MYO7A: variants seen among roughly 807,000 people sequenced by gnomAD.
MYO7A encodes the protein myosin VIIA, also known as unconventional myosin-VIIa.
In MYO7A, 210 loss-of-function variants were observed where a neutral mutation model predicts 263.8. That is an observed-to-expected ratio of 0.80 (90% CI 0.71 to 0.89). MYO7A has a LOEUF of 0.89. Ranked by LOEUF, MYO7A falls within the 40% of genes least tolerant of loss-of-function variation. The pLI is 0.00. For synonymous variants in MYO7A, 1,239 were observed against 1,197.3 expected (o/e 1.03, Z -0.72); for missense variants, 2,820 against 2,968.3 (o/e 0.95, Z 1.16).
At chr11:77,161,755 A>G (rs1271238185) in intron 12 of MYO7A, among the ~76,000 whole-genome samples, 2 of 152,130 alleles carry the variant, frequency 1.3e-5, no homozygotes, top group Admixed American at 6.5e-5. Flanking sequence ...ATGTCCCTGT[A>G]TGGCCCACCA....
intron 4 of MYO7A, among the ~76,000 whole-genome samples, chr11:77,150,479 C>T (rs1555056593): frequency 1.3e-5 from 2 of 152,170 alleles, no homozygotes; most frequent in African/African-American, 4.8e-5. Flanking sequence ...ATTACATCCT[C>T]CAGGAGGGTT....
chr11:77,192,931 GTTT>G (rs747125747), intron 31 of MYO7A, among the ~76,000 whole-genome samples: 301 of 25,100 alleles, frequency 0.012, 15 homozygotes, highest in South Asian at 0.043. Flanking sequence ...TGATGGTGTT[GTTT>G]GTGATGGTGG....
intron 42 of MYO7A, among the ~76,000 whole-genome samples, chr11:77,208,161 G>A (rs369803134): frequency 8.5e-5 from 13 of 152,298 alleles, no homozygotes; most frequent in East Asian, 5.8e-4. Flanking sequence ...GGGCTGGGCC[G>A]CATTCTTGGC....
chr11:77,202,368 G>C lies in MYO7A; in HGVS notation c.5112G>C (p.Glu1704Asp). ...VVRLLQLRTA[E>D]PEVRAKPYTL... Reference sequence around the variant, plus strand: ...GGCTCTTGCAGCTGCGAACGGCGGAGCCCGAGGTGCGTGCCAAGCCCTACA... The same window carrying C: ...GGCTCTTGCAGCTGCGAACGGCGGACCCCGAGGTGCGTGCCAAGCCCTACA... Residue 1704 changes from glutamate (E) to aspartate (D), a missense_variant, in exon 37 of 49, where the codon GAG (glutamate) becomes GAC (aspartate). Coordinates refer to ENST00000409709, the MANE Select transcript of MYO7A (RefSeq NM_000260.4). 2 of 1,562,292 alleles carry C rather than the reference G, an allele frequency of 1.3e-6. No homozygotes were observed. Among genetic ancestry groups the C allele is most frequent in the Non-Finnish European group, 1.7e-6 (2 of 1,152,750 alleles).
In MYO7A at chr11:77,208,780, G is replaced by C; in HGVS notation, c.6028G>C (p.Asp2010His). The change falls in exon 44 of 49, where the codon GAT becomes CAT. Residue 2010 changes from aspartate to histidine, a missense_variant. By Grantham distance (81) the Asp-to-His change is moderately conservative. Transcript: ENST00000409709. Reference protein sequence around the residue: ...TTVPGKDPMADSIFHYYQELP... With the variant: ...TTVPGKDPMAHSIFHYYQELP... ...GGTGCCAGGGAAGGATCCCATGGCC[G>C]ATTCCATCTTCCACTATTACCAGGT... 1 of 1,570,554 alleles carries C rather than the reference G, an allele frequency of 6.4e-7. No individual in the cohort carries two copies. Among genetic ancestry groups the C allele is most frequent in the Non-Finnish European group, 8.6e-7 (1 of 1,157,344 alleles).
intron 47 of MYO7A, among the ~76,000 whole-genome samples, chr11:77,213,397 A>T (rs1017520533): frequency 1.3e-5 from 2 of 152,196 alleles, no homozygotes; most frequent in African/African-American, 4.8e-5. Context: ...AGAGGGTCCG[A>T]CTGGACAGGT....
intron 15 of MYO7A, among the ~76,000 whole-genome samples, chr11:77,172,235 C>T (rs1427964400): frequency 6.6e-6 from 1 of 152,248 alleles, no homozygotes; most frequent in Non-Finnish European, 1.5e-5. Context: ...GGCATCACCT[C>T]CACTTAGGAA....
chr11:77,128,773 G>A (rs1555045266), intron 1 of MYO7A, among the ~76,000 whole-genome samples: 1 of 152,146 alleles, frequency 6.6e-6, no homozygotes, highest in Non-Finnish European at 1.5e-5. Flanking sequence ...GGGGCCAGGG[G>A]AATAGACATG....
intron 27 of MYO7A, among the ~76,000 whole-genome samples, chr11:77,188,611 A>G (rs1420138030): frequency 6.6e-6 from 1 of 150,806 alleles, no homozygotes; most frequent in African/African-American, 2.5e-5. Context: ...AGTTTGCAGA[A>G]GAGAAGAACA....
intron 36 of MYO7A, among the ~76,000 whole-genome samples, chr11:77,201,984 C>T (rs780242333): frequency 6.6e-6 from 1 of 152,144 alleles, no homozygotes; most frequent in African/African-American, 2.4e-5. Flanking sequence ...ACTCACAGCC[C>T]AGCTTCCCTA....
chr11:77,184,037 TCTCA>T (rs1328150514), intron 26 of MYO7A, among the ~76,000 whole-genome samples: 1 of 152,162 alleles, frequency 6.6e-6, no homozygotes, highest in African/African-American at 2.4e-5. Flanking sequence ...GCCGCTCGCC[TCTCA>T]CTCACCCTAC....
At chr11:77,128,798 A>G (rs1242162314) in intron 1 of MYO7A, among the ~76,000 whole-genome samples, 2 of 152,246 alleles carry the variant, frequency 1.3e-5, no homozygotes, top group East Asian at 1.9e-4. Flanking sequence ...GGTGGCAGAG[A>G]GAAGAGTCCG....
At chr11:77,213,394 C>T (rs1438414876) in intron 47 of MYO7A, among the ~76,000 whole-genome samples, 4 of 152,244 alleles carry the variant, frequency 2.6e-5, no homozygotes, top group Non-Finnish European at 5.9e-5. Context: ...CCCAGAGGGT[C>T]CGACTGGACA....
Position 77,181,953 on chromosome 11 carries a change from C to T in MYO7A, c.2907C>T (p.Asp969=), listed in dbSNP as rs1430512156. The change falls in exon 24 of 49, where the codon GAC becomes GAT. Residue 969 remains aspartate, a splice_region_variant and synonymous_variant. Transcript: ENST00000409709. ...QEGQAPSGFE[D]LERGRREMVE... ...GGCATACCTCTTGTCTCCTTCAGGA[C>T]CTGGAGCGAGGGCGGAGGGAGATGG... The T allele has an allele frequency of 2.5e-6, 4 of 1,612,868 alleles. No individual in the cohort carries two copies. The African/African-American group carries it at 4.0e-5, about 16-fold the overall frequency.
intron 29 of MYO7A, 87 bp from the exon 30 acceptor site, chr11:77,190,610 C>A (rs1441695286): frequency 6.9e-7 from 1 of 1,455,008 alleles, no homozygotes; most frequent in African/African-American, 1.4e-5. Context: ...GCACCTCCAA[C>A]CCCACAGAAA....
chr11:77,202,448 G>A (rs1331620670), intron 37 of MYO7A, 24 bp downstream of exon 37: 7 of 1,547,340 alleles, frequency 4.5e-6, no homozygotes, highest in East Asian at 4.9e-5. Flanking sequence ...GGGAAGGATG[G>A]GAGCCACAGG....
chr11:77,146,202 A>G lies in MYO7A; in HGVS notation c.133-1596A>G, dbSNP rs1951554486. ...AGCGAAGTCACAGAGGCCTTTGGGG[A>G]CATGAAACCCGTGTTCCCTGGCTAG... On this transcript the variant is annotated intron_variant, in intron 3 of 48. Transcript: ENST00000409709. Among the ~76,000 whole-genome samples the G allele has an allele frequency of 2.6e-5, 4 of 152,220 alleles. No individual in the cohort carries two copies. The South Asian group carries it at 8.3e-4, about 32-fold the overall frequency.
intron 16 of MYO7A, among the ~76,000 whole-genome samples, chr11:77,173,863 C>A (rs1954370573): frequency 6.6e-6 from 1 of 152,054 alleles, no homozygotes; most frequent in African/African-American, 2.4e-5. Context: ...CCAGTGAGCT[C>A]TCCCTCTAAT....
intron 30 of MYO7A, 134 bp from the exon 31 acceptor site, chr11:77,191,917 C>T (rs1027721101): frequency 1.4e-6 from 1 of 717,806 alleles, no homozygotes. Context: ...TGGTCTGCCT[C>T]CTGGGGGCCT....
Sources: gnomAD v4.1 joint callset for allele counts (sites outside exome capture counted in the v4.1 genomes callset) on GRCh38, gnomAD v4.1.1 for gene constraint, MANE v1.5 for transcripts, NCBI Gene and HGNC (gene_info 2026-07-23, HGNC 2026-07-21) for gene names.